Variants in PRKN observed in about 807,000 individuals in gnomAD.
The protein encoded by PRKN is parkin RBR E3 ubiquitin protein ligase.
PRKN carries 56 observed loss-of-function variants against 59.5 expected under a neutral mutation model. The observed-to-expected ratio is 0.94, with a 90% CI of 0.76 to 1.18. The LOEUF (loss-of-function observed/expected upper bound fraction) is 1.18. Among genes scored for constraint, PRKN ranks in the 50% most tolerant of loss-of-function variants. PRKN has a pLI of 0.00. For synonymous variants in PRKN, 250 were observed against 222.1 expected (o/e 1.13, Z -1.12); for missense variants, 657 against 596.4 (o/e 1.10, Z -1.06).
chr6:162,074,411 A>G (rs1287634445), intron 4 of PRKN, among the ~76,000 whole-genome samples: 1 of 144,692 alleles, frequency 6.9e-6, no homozygotes, highest in African/African-American at 2.6e-5. Context: ...ATTCTCACTC[A>G]TAGGTGGGAA....
intron 5 of PRKN, among the ~76,000 whole-genome samples, chr6:162,032,450 C>T (rs1324918788): frequency 6.6e-6 from 1 of 152,014 alleles, no homozygotes. Flanking sequence ...CAACAGAAAA[C>T]ATGTCTGAAT....
chr6:162,692,823 T>C (rs1360349952), intron 1 of PRKN, among the ~76,000 whole-genome samples: 2 of 152,198 alleles, frequency 1.3e-5, no homozygotes, highest in African/African-American at 2.4e-5. Flanking sequence ...CTTTTTATAA[T>C]AGATTTTATG....
At chr6:162,115,961 T>G (rs1422776339) in intron 4 of PRKN, among the ~76,000 whole-genome samples, 1 of 152,232 alleles carries the variant, frequency 6.6e-6, no homozygotes, top group Non-Finnish European at 1.5e-5. Context: ...GATGTTTTAC[T>G]TCCCGTCTCT....
At chr6:161,616,057 A>C (rs1429507044) in intron 7 of PRKN, among the ~76,000 whole-genome samples, 1 of 151,702 alleles carries the variant, frequency 6.6e-6, no homozygotes, top group African/African-American at 2.4e-5. Context: ...CCCTCCTCCT[A>C]GCTACCACCC....
At chr6:162,666,324 G>A (rs866137272) in intron 1 of PRKN, among the ~76,000 whole-genome samples, 1 of 152,102 alleles carries the variant, frequency 6.6e-6, no homozygotes, top group African/African-American at 2.4e-5. Flanking sequence ...ATTTTCCACT[G>A]ATCTGGGGAA....
At chr6:162,098,037 T>A (rs1344791177) in intron 4 of PRKN, among the ~76,000 whole-genome samples, 2 of 152,198 alleles carry the variant, frequency 1.3e-5, no homozygotes, top group Admixed American at 1.3e-4. Flanking sequence ...AGGCTCATGG[T>A]TAATAGTGGT....
At chr6:162,338,999 G>C (rs1783994221) in intron 2 of PRKN, among the ~76,000 whole-genome samples, 1 of 150,464 alleles carries the variant, frequency 6.6e-6, no homozygotes, top group Admixed American at 6.6e-5. Context: ...TGAGAAGTGA[G>C]GAGACCCTCT....
At chr6:162,281,445 G>A (rs888155271) in intron 2 of PRKN, among the ~76,000 whole-genome samples, 5 of 151,678 alleles carry the variant, frequency 3.3e-5, no homozygotes, top group African/African-American at 4.8e-5. Flanking sequence ...TAAGAAATGC[G>A]GTATTACTAC....
At chr6:162,471,718 T>A (rs1791758368) in intron 1 of PRKN, among the ~76,000 whole-genome samples, 1 of 152,250 alleles carries the variant, frequency 6.6e-6, no homozygotes, top group African/African-American at 2.4e-5. Flanking sequence ...AGGATGTATC[T>A]ACTTCTGTTA....
chr6:161,747,399 T>C (rs1241542754), intron 7 of PRKN, among the ~76,000 whole-genome samples: 5 of 147,678 alleles, frequency 3.4e-5, no homozygotes, highest in South Asian at 2.1e-4. Flanking sequence ...ATGTTTCTCT[T>C]TTTTTTTTTT....
At chr6:162,480,436 A>G (rs932685865) in intron 1 of PRKN, among the ~76,000 whole-genome samples, 1 of 152,196 alleles carries the variant, frequency 6.6e-6, no homozygotes, top group Non-Finnish European at 1.5e-5. Context: ...GAGGAGAGGA[A>G]GAAGATGACA....
chr6:161,893,788 A>G lies in PRKN; in HGVS notation c.734+79514T>C, dbSNP rs576898562. On this transcript the variant is annotated intron_variant, in intron 6 of 11. Transcript: ENST00000366898. ...AAGAAATAATGATTCAGAGTTTTAA[A>G]GGAGCTGTGTCTTTCTTATTCTGTT... 3.9e-5 allele frequency among the ~76,000 whole-genome samples: 6 copies of G among 152,344 alleles called. No individual in the cohort carries two copies. In the South Asian group the frequency reaches 8.3e-4, roughly 21 times the overall value.
chr6:162,692,730 ACT>A (rs1367273931), intron 1 of PRKN, among the ~76,000 whole-genome samples: 1 of 152,002 alleles, frequency 6.6e-6, no homozygotes, highest in African/African-American at 2.4e-5. Flanking sequence ...TCTCTCCCTG[ACT>A]CTGTTCTATG....
At chr6:162,004,299 T>C (rs1782166796) in intron 5 of PRKN, among the ~76,000 whole-genome samples, 1 of 152,182 alleles carries the variant, frequency 6.6e-6, no homozygotes, top group South Asian at 2.1e-4. Context: ...GTGAGACACC[T>C]CACTTTCCCT....
chr6:162,592,160 C>T (rs1361853167), intron 1 of PRKN, among the ~76,000 whole-genome samples: 8 of 152,150 alleles, frequency 5.3e-5, no homozygotes, highest in African/African-American at 1.2e-4. Flanking sequence ...TCACCACGCC[C>T]GGGTAATTTT....
intron 5 of PRKN, among the ~76,000 whole-genome samples, chr6:162,025,405 G>T (rs1474860555): frequency 1.3e-5 from 2 of 151,808 alleles, no homozygotes; most frequent in African/African-American, 4.8e-5. Flanking sequence ...CTTCCTTCCT[G>T]TGCAGTACAG....
chr6:162,145,898 G>A (rs1048768676), intron 4 of PRKN, among the ~76,000 whole-genome samples: 1 of 152,202 alleles, frequency 6.6e-6, no homozygotes, highest in African/African-American at 2.4e-5. Flanking sequence ...TGAAGACTTG[G>A]CCTGTAATCA....
At position 162,301,507 on chromosome 6, in the gene PRKN, G is replaced by C. The variant is rs905946130; in HGVS notation, c.172-38742C>G. ...TGATTTTCTCGTGGCTCTGCAGATT[G>C]CAAGTCCAAAATCAAAGTATCTGGA... On this transcript the variant is annotated intron_variant, in intron 2 of 11. Transcript: ENST00000366898. 3.3e-5 allele frequency among the ~76,000 whole-genome samples: 5 copies of C among 152,182 alleles called. No homozygotes were observed. In the East Asian group the frequency reaches 9.7e-4, roughly 29 times the overall value.
At chr6:162,490,897 G>A (rs1792779529) in intron 1 of PRKN, among the ~76,000 whole-genome samples, 1 of 152,190 alleles carries the variant, frequency 6.6e-6, no homozygotes, top group African/African-American at 2.4e-5. Context: ...ACTTTGGGAA[G>A]CCAAGGAGGG....
Sources: allele counts gnomAD v4.1 joint callset (sites outside exome capture counted in the v4.1 genomes callset), GRCh38; gene constraint gnomAD v4.1.1; transcripts MANE v1.5; gene names NCBI Gene and HGNC (gene_info 2026-07-23, HGNC 2026-07-21).